ADAM18: variants seen among roughly 807,000 people sequenced by gnomAD.
The protein encoded by ADAM18 is disintegrin and metalloproteinase domain-containing protein 18.
In ADAM18, 117 loss-of-function variants were observed where a neutral mutation model predicts 94.4. The ratio of observed to expected loss-of-function variants is 1.24; its 90% CI spans 1.07 to 1.45. ADAM18 has a LOEUF of 1.45. Among genes scored for constraint, ADAM18 ranks in the 40% most tolerant of loss-of-function variants. The pLI is 0.00. For synonymous variants in ADAM18, 327 were observed against 291.6 expected, an observed-to-expected ratio of 1.12 and a Z score of -1.24; for missense variants, 936 against 880.0, an observed-to-expected ratio of 1.06 and a Z score of -0.81.
In ADAM18 at chr8:39,610,428, AG is replaced by A. The variant is rs1263333185; in HGVS notation, c.345-100del. The A allele has an allele frequency of 4.5e-6, 6 of 1,339,676 alleles. No individual in the cohort carries two copies. The East Asian group carries it at 1.6e-4, about 36-fold the overall frequency. 83.0% of individuals were successfully genotyped at this position (1,339,676 alleles called of 1,614,324 possible). ...AAAATGGGCTTAAAATGTGTTCTTT[AG>A]TATAGTTTTTTAATTTCTTATGCCA... On this transcript the variant is annotated intron_variant, in intron 5 of 19. Transcript: ENST00000265707.
At position 39,680,218 on chromosome 8, in the gene ADAM18, C is replaced by A; in HGVS notation, c.1813C>A (p.Pro605Thr). 6.2e-7 allele frequency: 1 copy of A among 1,608,182 alleles called. No homozygotes were observed. Among genetic ancestry groups the A allele is most frequent in the Non-Finnish European group, 8.5e-7 (1 of 1,178,262 alleles). ...TGTGGCTGATGGCACCATGTGTGGTCCAGAAATGGTAACAAAATGTGATAA... is the reference window on the plus strand; with the variant it reads ...TGTGGCTGATGGCACCATGTGTGGTACAGAAATGGTAACAAAATGTGATAA... ...AYVADGTMCG[P>T]EMYCVNKTCR... The change falls in exon 16 of 20, where the codon CCA becomes ACA. Residue 605 changes from proline (P) to threonine (T), a missense_variant. Transcript: ENST00000265707.
At chr8:39,618,298 G>C (rs933952807) in intron 6 of ADAM18, among the ~76,000 whole-genome samples, 1 of 152,060 alleles carries the variant, frequency 6.6e-6, no homozygotes, top group Non-Finnish European at 1.5e-5. Context: ...CAATGCATTC[G>C]ATATACCAGC....
intron 2 of ADAM18, among the ~76,000 whole-genome samples, chr8:39,601,877 A>G (rs761872940): frequency 5.9e-5 from 9 of 152,002 alleles, no homozygotes; most frequent in Non-Finnish European, 1.2e-4. Context: ...TTTTGTTTCC[A>G]TGATTTTGAC....
intron 16 of ADAM18, 43 bp from the exon 17 acceptor site, chr8:39,692,557 A>G (rs372233704): frequency 3.2e-6 from 4 of 1,266,414 alleles, no homozygotes; most frequent in African/African-American, 3.0e-5. Context: ...CTTGTTTTAT[A>G]TGACATTTGT....
chr8:39,692,188 T>A (rs1048319821), intron 16 of ADAM18, among the ~76,000 whole-genome samples: 2 of 151,878 alleles, frequency 1.3e-5, no homozygotes, highest in Non-Finnish European at 3.0e-5. Context: ...TGAATTATAC[T>A]TAAAACCTAA....
At chr8:39,620,964 A>G (rs1454662486) in intron 6 of ADAM18, among the ~76,000 whole-genome samples, 1 of 152,048 alleles carries the variant, frequency 6.6e-6, no homozygotes, top group Non-Finnish European at 1.5e-5. Flanking sequence ...GTTCACCACT[A>G]CACAATCTAT....
chr8:39,728,161 T>G (rs752713131), intron 19 of ADAM18, among the ~76,000 whole-genome samples: 2 of 151,900 alleles, frequency 1.3e-5, no homozygotes, highest in African/African-American at 2.4e-5. Context: ...CCATGGGAGA[T>G]TCACCCCATG....
At chr8:39,670,049 A>G (rs1213328949) in intron 14 of ADAM18, among the ~76,000 whole-genome samples, 2 of 152,046 alleles carry the variant, frequency 1.3e-5, no homozygotes, top group African/African-American at 4.8e-5. Context: ...TTTGATTTGC[A>G]TTTCTCTGAT....
At chr8:39,623,666 G>A (rs1819682326) in intron 6 of ADAM18, among the ~76,000 whole-genome samples, 3 of 151,936 alleles carry the variant, frequency 2.0e-5, no homozygotes, top group Admixed American at 2.0e-4. Flanking sequence ...GGGTGATCTC[G>A]GCTCACTGCA....
At chr8:39,667,429 TATG>T (rs1821022463) in intron 13 of ADAM18, among the ~76,000 whole-genome samples, 2 of 150,332 alleles carry the variant, frequency 1.3e-5, no homozygotes, top group South Asian at 4.2e-4. Flanking sequence ...AAGATGCTGA[TATG>T]ATGATAGCTA....
chr8:39,714,185 C>CA (rs1422352061), intron 18 of ADAM18, among the ~76,000 whole-genome samples: 1 of 152,058 alleles, frequency 6.6e-6, no homozygotes, highest in East Asian at 1.9e-4. Context: ...CAAACTATCA[C>CA]AGGACAGAAA....
intron 16 of ADAM18, among the ~76,000 whole-genome samples, chr8:39,684,061 C>G (rs913983215): frequency 6.6e-6 from 1 of 152,108 alleles, no homozygotes; most frequent in African/African-American, 2.4e-5. Context: ...AAGAGGATCT[C>G]TTGAACTCAG....
At position 39,638,516 on chromosome 8, in the gene ADAM18, C is replaced by A. The variant is rs956804684; in HGVS notation, c.879C>A (p.Cys293Ter). The change falls in exon 10 of 20, where the codon TGC (cysteine) becomes TGA (stop). Residue 293 changes from cysteine to a stop codon, truncating the protein, a stop_gained. Coordinates refer to ENST00000265707, the MANE Select transcript of ADAM18 (RefSeq NM_014237.3). LOFTEE classifies it high-confidence loss of function. Reference protein sequence around the residue: ...YVGATFPGTVCNKSYDAGIAM... With the variant: ...YVGATFPGTV ...GAGCAACATTTCCTGGCACTGTATG[C>A]AATAAAAGCTATGATGCAGGTATTG... 1 of 1,571,560 alleles carries A rather than the reference C, an allele frequency of 6.4e-7. No homozygotes were observed. The highest frequency in any genetic ancestry group is 1.8e-5 in the Admixed American group (1 of 56,656).
chr8:39,676,039 G>T (rs750569076), intron 14 of ADAM18, among the ~76,000 whole-genome samples: 1 of 152,120 alleles, frequency 6.6e-6, no homozygotes, highest in Non-Finnish European at 1.5e-5. Context: ...AGGGGCAGCC[G>T]CCTATATGAA....
At chr8:39,590,517 A>G (rs1818541340) in intron 2 of ADAM18, among the ~76,000 whole-genome samples, 1 of 152,194 alleles carries the variant, frequency 6.6e-6, no homozygotes, top group African/African-American at 2.4e-5. Context: ...GCGCACCAGC[A>G]TGGCACATGT....
chr8:39,661,823 T>C (rs2129580018), intron 12 of ADAM18, among the ~76,000 whole-genome samples: 1 of 152,100 alleles, frequency 6.6e-6, no homozygotes, highest in African/African-American at 2.4e-5. Flanking sequence ...AAAACAGAGC[T>C]TCCATTTGTG....
intron 11 of ADAM18, 92 bp downstream of exon 11, chr8:39,645,566 C>T: frequency 1.7e-6 from 2 of 1,182,220 alleles, no homozygotes; most frequent in Non-Finnish European, 2.4e-6. Flanking sequence ...TTCGGCACCA[C>T]ATCAATGGCT....
chr8:39,638,683 G>A (rs13278646), intron 10 of ADAM18, 137 bp downstream of exon 10: 252,730 of 429,052 alleles, frequency 0.59, 76,935 homozygotes, highest in Non-Finnish European at 0.64. Flanking sequence ...TTATTTTATT[G>A]GGACAAAATT....
At chr8:39,703,924 A>G (rs1413288187) in intron 17 of ADAM18, among the ~76,000 whole-genome samples, 1 of 152,168 alleles carries the variant, frequency 6.6e-6, no homozygotes, top group Non-Finnish European at 1.5e-5. Context: ...ATCAGAGAAT[A>G]TTATAAACAC....
Sources: gnomAD v4.1 joint callset for allele counts (sites outside exome capture counted in the v4.1 genomes callset) on GRCh38, gnomAD v4.1.1 for gene constraint, MANE v1.5 for transcripts, NCBI Gene and HGNC (gene_info 2026-07-23, HGNC 2026-07-21) for gene names.